The following CD96 variants were observed in gnomAD, a reference collection of about 807,000 sequenced individuals.
CD96 encodes the protein T-cell surface protein tactile.
A neutral mutation model predicts 71.3 loss-of-function variants in CD96; 70 were observed. The observed-to-expected ratio is 0.98, with a 90% CI of 0.81 to 1.20. CD96 has a LOEUF of 1.20. CD96 is among the 50% of genes most tolerant of loss of function. The probability of loss-of-function intolerance (pLI) is 0.00; values close to 1 mark genes in which losing one functional copy is unlikely to be tolerated. For synonymous variants in CD96, 248 were observed against 233.0 expected, an observed-to-expected ratio of 1.06 and a Z score of -0.59; for missense variants, 742 against 677.5, an observed-to-expected ratio of 1.10 and a Z score of -1.06.
At chr3:111,585,488 C>A (rs934213288) in intron 5 of CD96, 110 bp downstream of exon 5, 4 of 728,258 alleles carry the variant, frequency 5.5e-6, no homozygotes, top group East Asian at 2.7e-5. Flanking sequence ...TGGCCCTTGA[C>A]CAATTAACTG....
At chr3:111,634,552 G>C (rs916019806) in intron 10 of CD96, 1 of 152,242 alleles carries the variant, frequency 6.6e-6, no homozygotes, top group South Asian at 2.1e-4. Context: ...ACCTCATGCA[G>C]TTAACGAACA....
At chr3:111,578,830 A>C (rs1936338583) in intron 3 of CD96, among the ~76,000 whole-genome samples, 197 bp from the exon 4 acceptor site, 1 of 152,192 alleles carries the variant, frequency 6.6e-6, no homozygotes, top group South Asian at 2.1e-4. Flanking sequence ...ATTTGTTAGG[A>C]GAGGGTAACA....
intron 3 of CD96, among the ~76,000 whole-genome samples, chr3:111,571,450 G>A (rs1935982531): frequency 6.6e-6 from 1 of 151,842 alleles, no homozygotes; most frequent in Non-Finnish European, 1.5e-5. Context: ...GACAACTGAT[G>A]AGTCACCGTT....
intron 3 of CD96, among the ~76,000 whole-genome samples, chr3:111,577,907 C>A (rs9859779): frequency 0.092 from 13,992 of 152,168 alleles, 903 homozygotes; most frequent in East Asian, 0.23. Flanking sequence ...TTACTTCCCT[C>A]CATTTCCCCT....
Position 111,650,002 on chromosome 3 carries a change from A to G in CD96, c.*196A>G. On this transcript the variant is annotated 3_prime_UTR_variant, in exon 14 of 14. Coordinates refer to ENST00000352690, the MANE Select transcript of CD96 (RefSeq NM_005816.5). ...CGCCTGAAGCTTAACCAAGAGTGAG[A>G]GGATATGTCATGTTCACACTCAATG... The G allele has an allele frequency of 4.9e-6, 3 of 616,606 alleles. No homozygotes were observed. The highest frequency in any genetic ancestry group is 2.4e-5 in the Admixed American group (1 of 42,546). 38.2% of individuals were successfully genotyped at this position (616,606 alleles called of 1,614,324 possible).
At position 111,567,596 on chromosome 3, in the gene CD96, T is replaced by G; in HGVS notation, c.492T>G (p.Phe164Leu). 3 of 1,612,268 alleles carry G rather than the reference T, an allele frequency of 1.9e-6. No individual in the cohort carries two copies. Among genetic ancestry groups the G allele is most frequent in the Non-Finnish European group, 2.5e-6 (3 of 1,178,308 alleles). ...EINQTLEIPC[F>L]QNSSSKISSE... Reference sequence around the variant, plus strand: ...ATCAGACTCTGGAAATACCATGCTTTCAAAATAGCTCCTCAAAAATTTCAT... The same window carrying G: ...ATCAGACTCTGGAAATACCATGCTTGCAAAATAGCTCCTCAAAAATTTCAT... Residue 164 changes from phenylalanine (F) to leucine (L), a missense_variant, in exon 3 of 14, where the codon TTT becomes TTG. Physicochemically the swap from Phe to Leu is conservative, Grantham distance 22. Transcript: ENST00000352690.
At chr3:111,606,930 AG>A (rs1302260598) in intron 8 of CD96, 138 bp downstream of exon 8, 1 of 702,934 alleles carries the variant, frequency 1.4e-6, no homozygotes. Flanking sequence ...ATTTTTTAAC[AG>A]CTTTATTGAG....
intron 14 of CD96, among the ~76,000 whole-genome samples, chr3:111,659,340 G>A (rs948013372): frequency 2.0e-5 from 3 of 151,746 alleles, no homozygotes; most frequent in Non-Finnish European, 4.4e-5. Flanking sequence ...TTTGTTTCAT[G>A]GATCTTTTGC....
chr3:111,555,630 T>A (rs1208803593), intron 2 of CD96, among the ~76,000 whole-genome samples: 1 of 152,304 alleles, frequency 6.6e-6, no homozygotes, highest in African/African-American at 2.4e-5. Context: ...TGGTTTTTGC[T>A]CCTTTCAATT....
intron 2 of CD96, among the ~76,000 whole-genome samples, chr3:111,556,133 C>G (rs547885227): frequency 6.6e-6 from 1 of 152,416 alleles, no homozygotes; most frequent in East Asian, 1.9e-4. Context: ...TTCTATTTCT[C>G]TACTAACATT....
intron 8 of CD96, among the ~76,000 whole-genome samples, chr3:111,614,416 G>A (rs193006916): frequency 6.6e-6 from 1 of 152,242 alleles, no homozygotes; most frequent in African/African-American, 2.4e-5. Flanking sequence ...CTCTGGATGA[G>A]GAGAATAAAA....
At position 111,651,157 on chromosome 3, in the gene CD96, G is replaced by C. The variant is rs1236488529; in HGVS notation, c.*1351G>C. ...CAAATGATTCACATGTTCAGCCAAA[G>C]TTGAGAACCATCGAGCCTGTGGAAG... On this transcript the variant is annotated 3_prime_UTR_variant, in exon 14 of 14. Transcript: ENST00000352690. The C allele has an allele frequency of 1.3e-5, 2 of 152,202 alleles. No homozygotes were observed. Among genetic ancestry groups the C allele is most frequent in the African/African-American group, 4.8e-5 (2 of 41,442 alleles). 9.4% of individuals were successfully genotyped at this position (152,202 alleles called of 1,614,324 possible).
chr3:111,562,715 T>G (rs988789420), intron 2 of CD96, among the ~76,000 whole-genome samples: 1 of 152,226 alleles, frequency 6.6e-6, no homozygotes, highest in African/African-American at 2.4e-5. Context: ...GCATTCAAAG[T>G]TGCAGCCAGT....
At chr3:111,546,173 T>A (rs930410963) in intron 2 of CD96, among the ~76,000 whole-genome samples, 1 of 151,936 alleles carries the variant, frequency 6.6e-6, no homozygotes, top group Non-Finnish European at 1.5e-5. Flanking sequence ...AAAACAGATA[T>A]GATCATAGAG....
intron 5 of CD96, among the ~76,000 whole-genome samples, chr3:111,590,313 C>T (rs777314732): frequency 1.2e-4 from 19 of 152,214 alleles, no homozygotes; most frequent in Non-Finnish European, 2.5e-4. Flanking sequence ...CATCCAGCAA[C>T]CACAGGTTTT....
chr3:111,619,985 A>AT (rs1411151991), intron 8 of CD96, among the ~76,000 whole-genome samples: 2 of 152,176 alleles, frequency 1.3e-5, no homozygotes, highest in Admixed American at 1.3e-4. Context: ...CATGGAAAAA[A>AT]CACCCCTGAG....
At chr3:111,585,047 CAG>C (rs1453402705) in intron 4 of CD96, among the ~76,000 whole-genome samples, 1 of 152,112 alleles carries the variant, frequency 6.6e-6, no homozygotes, top group Admixed American at 6.5e-5. Flanking sequence ...GCACTTATCT[CAG>C]TGTATTGTAA....
intron 10 of CD96, among the ~76,000 whole-genome samples, chr3:111,636,902 A>T (rs1270403041): frequency 6.6e-6 from 1 of 151,970 alleles, no homozygotes; most frequent in Non-Finnish European, 1.5e-5. Flanking sequence ...CTATGGAATG[A>T]GCATGACACA....
At chr3:111,663,874 G>A (rs534864560) in intron 14 of CD96, among the ~76,000 whole-genome samples, 19 of 151,660 alleles carry the variant, frequency 1.3e-4, no homozygotes, top group South Asian at 2.1e-4. Flanking sequence ...TCAGCCTCCC[G>A]AGTAGCTGAG....
Sources: gnomAD v4.1 joint callset for allele counts (sites outside exome capture counted in the v4.1 genomes callset) on GRCh38, gnomAD v4.1.1 for gene constraint, MANE v1.5 for transcripts, NCBI Gene and HGNC (gene_info 2026-07-23, HGNC 2026-07-21) for gene names.